Variants in COL8A1 observed in about 807,000 individuals in gnomAD.
COL8A1 encodes the protein collagen alpha-1(VIII) chain.
In COL8A1, 21 loss-of-function variants were observed where a neutral mutation model predicts 42.7. The ratio of observed to expected loss-of-function variants is 0.49; its 90% CI spans 0.35 to 0.71. The LOEUF is 0.71. Ranked by LOEUF, COL8A1 falls within the 30% of genes least tolerant of loss-of-function variation. The pLI is 0.01. For missense variants in COL8A1, 788 were observed against 962.4 expected, an observed-to-expected ratio of 0.82 and a Z score of 2.40; for synonymous variants, 367 against 369.1, an observed-to-expected ratio of 0.99 and a Z score of 0.06.
At chr3:99,734,771 C>T (rs1218926332) in intron 1 of COL8A1, among the ~76,000 whole-genome samples, 1 of 151,960 alleles carries the variant, frequency 6.6e-6, no homozygotes, top group African/African-American at 2.4e-5. Context: ...ATTGATTCTT[C>T]CTACCCATGA....
intron 2 of COL8A1, among the ~76,000 whole-genome samples, chr3:99,771,080 T>C (rs569801761): frequency 6.6e-6 from 1 of 152,136 alleles, no homozygotes; most frequent in Non-Finnish European, 1.5e-5. Flanking sequence ...AGAACCAACT[T>C]GGTGAATCCA....
Position 99,795,560 on chromosome 3 carries a change from A to G in COL8A1, c.1659A>G (p.Gln553=), listed in dbSNP as rs1240676043. The part of the protein sequence containing the change: ...PPGKPGALGP[Q]GQPGLPGPPG... ...GGAAGCCTGGTGCCCTTGGTCCTCA[A>G]GGCCAGCCTGGCCTTCCAGGACCCC... The change falls in exon 4 of 4, where the codon CAA becomes CAG. Residue 553 remains glutamine, a synonymous_variant. Coordinates refer to ENST00000652472, the MANE Select transcript of COL8A1 (RefSeq NM_020351.4). 9 of 1,609,938 alleles carry G rather than the reference A, an allele frequency of 5.6e-6. No homozygotes were observed. Among genetic ancestry groups the G allele is most frequent in the Admixed American group, 5.0e-5 (3 of 59,766 alleles).
At chr3:99,737,848 C>G (rs1282835572) in intron 1 of COL8A1, among the ~76,000 whole-genome samples, 1 of 151,902 alleles carries the variant, frequency 6.6e-6, no homozygotes, top group African/African-American at 2.4e-5. Flanking sequence ...TTCTCCCCAT[C>G]ACTTTCAGGT....
chr3:99,669,151 G>GTATATATATATATATATA (rs1559773186), intron 1 of COL8A1, among the ~76,000 whole-genome samples: 1 of 114,048 alleles, frequency 8.8e-6, no homozygotes, highest in Non-Finnish European at 1.8e-5. Context: ...ATATATAGAG[G>GTATATATATATATATATA]GAGAGAGAGA....
At chr3:99,673,188 A>T (rs1317584324) in intron 1 of COL8A1, among the ~76,000 whole-genome samples, 1 of 151,950 alleles carries the variant, frequency 6.6e-6, no homozygotes, top group Non-Finnish European at 1.5e-5. Context: ...TTTTTTTAAC[A>T]ATTAAGAAAT....
intron 1 of COL8A1, among the ~76,000 whole-genome samples, chr3:99,667,461 C>T (rs1938401758): frequency 6.6e-6 from 1 of 152,072 alleles, no homozygotes. Context: ...GTTAGAGATT[C>T]CCTCAGATAC....
chr3:99,687,497 C>T (rs1939099516), intron 1 of COL8A1, among the ~76,000 whole-genome samples: 1 of 152,078 alleles, frequency 6.6e-6, no homozygotes. Flanking sequence ...GCACTCCATG[C>T]GATGAGGTTG....
chr3:99,722,501 G>A (rs7613580), intron 1 of COL8A1, among the ~76,000 whole-genome samples: 33,130 of 151,944 alleles, frequency 0.22, 4,229 homozygotes, highest in African/African-American at 0.34. Context: ...TAAAACAATT[G>A]AAAATTAATT....
intron 1 of COL8A1, among the ~76,000 whole-genome samples, chr3:99,733,602 TAA>T (rs1940596685): frequency 6.6e-6 from 1 of 152,118 alleles, no homozygotes. Flanking sequence ...AATGCCGCAA[TAA>T]ACATACGTGT....
intron 2 of COL8A1, among the ~76,000 whole-genome samples, chr3:99,763,306 A>G (rs1187415524): frequency 1.3e-5 from 2 of 152,232 alleles, no homozygotes; most frequent in Non-Finnish European, 2.9e-5. Flanking sequence ...TTTAGAAGAC[A>G]AAATAAGCAG....
rs1284421666 is a variant in COL8A1 at position 99,794,653 on chromosome 3, C to G, written c.752C>G (p.Pro251Arg). ...GDKGFGMPGA[P>R]GVKGPPGMHG... ...AAGGGCTTCGGGATGCCAGGTGCGC[C>G]AGGTGTAAAGGGGCCTCCAGGGATG... Residue 251 changes from proline (P) to arginine (R), a missense_variant, in exon 4 of 4, where the codon CCA becomes CGA. Coordinates refer to ENST00000652472, the MANE Select transcript of COL8A1 (RefSeq NM_020351.4). This position sits in a 1 kb window ranked among gnomAD's most constrained non-coding sequence, Gnocchi z 4.3. The G allele has an allele frequency of 6.2e-7, 1 of 1,613,646 alleles. No individual in the cohort carries two copies. Among genetic ancestry groups the G allele is most frequent in the African/African-American group, 1.3e-5 (1 of 74,854 alleles).
chr3:99,778,579 G>T (rs548554285), intron 2 of COL8A1, among the ~76,000 whole-genome samples: 1 of 151,648 alleles, frequency 6.6e-6, no homozygotes, highest in Non-Finnish European at 1.5e-5. Context: ...TTTTACCATC[G>T]GTCAACCCTT....
intron 1 of COL8A1, among the ~76,000 whole-genome samples, chr3:99,659,262 G>T (rs769456512): frequency 6.6e-6 from 1 of 152,200 alleles, no homozygotes; most frequent in African/African-American, 2.4e-5. Context: ...TTCAACAAGG[G>T]TCATGTGTAC....
chr3:99,736,051 TATTA>T (rs1940704362), intron 1 of COL8A1, among the ~76,000 whole-genome samples: 2 of 151,556 alleles, frequency 1.3e-5, no homozygotes, highest in Non-Finnish European at 2.9e-5. Flanking sequence ...TTTTTTTCTT[TATTA>T]GTCTTGCTAG....
intron 1 of COL8A1, among the ~76,000 whole-genome samples, chr3:99,665,033 A>G (rs558998345): frequency 6.6e-6 from 1 of 152,186 alleles, no homozygotes. Flanking sequence ...AGTCCACTTG[A>G]CTCCCAAGAA....
intron 1 of COL8A1, among the ~76,000 whole-genome samples, chr3:99,648,151 T>C (rs1029736576): frequency 2.0e-5 from 3 of 152,168 alleles, no homozygotes; most frequent in Non-Finnish European, 4.4e-5. Context: ...GGTGTTATTA[T>C]TCCCAATTTA....
At chr3:99,784,238 A>C (rs902942288) in intron 2 of COL8A1, among the ~76,000 whole-genome samples, 2 of 152,242 alleles carry the variant, frequency 1.3e-5, no homozygotes, top group Non-Finnish European at 2.9e-5. Context: ...TTTGACTAGG[A>C]ATGTAACAGG....
intron 1 of COL8A1, among the ~76,000 whole-genome samples, chr3:99,743,885 G>C (rs1374643946): frequency 4.6e-5 from 7 of 151,170 alleles, no homozygotes; most frequent in African/African-American, 1.7e-4. Flanking sequence ...AATGACTGAA[G>C]TTGTTCCTCT....
intron 1 of COL8A1, among the ~76,000 whole-genome samples, chr3:99,662,592 T>C (rs1938241846): frequency 6.6e-6 from 1 of 152,188 alleles, no homozygotes; most frequent in Admixed American, 6.5e-5. Context: ...AATGTACTTA[T>C]AATGACTATC....
Sources: gnomAD v4.1 joint callset for allele counts (sites outside exome capture counted in the v4.1 genomes callset) on GRCh38, gnomAD v4.1.1 for gene constraint, Gnocchi (gnomAD v3.1) non-coding constraint, MANE v1.5 for transcripts, NCBI Gene and HGNC (gene_info 2026-07-23, HGNC 2026-07-21) for gene names.